GPATCH8: variants seen among roughly 807,000 people sequenced by gnomAD.
The protein encoded by GPATCH8 is G patch domain-containing protein 8.
In GPATCH8, 18 loss-of-function variants were observed where a neutral mutation model predicts 118.3. That is an observed-to-expected ratio of 0.15 (90% CI 0.11 to 0.23). The LOEUF (loss-of-function observed/expected upper bound fraction) is 0.23, where lower values mean the gene tolerates loss of function less well. Ranked by LOEUF, GPATCH8 falls within the 10% of genes least tolerant of loss-of-function variation. GPATCH8 has a pLI of 1.00. For synonymous variants in GPATCH8, 659 were observed against 684.7 expected, an observed-to-expected ratio of 0.96 and a Z score of 0.59; for missense variants, 1,631 against 1,873.8, an observed-to-expected ratio of 0.87 and a Z score of 2.39.
intron 6 of GPATCH8, among the ~76,000 whole-genome samples, chr17:44,406,496 T>TA: frequency 4.7e-5 from 1 of 21,070 alleles, no homozygotes; most frequent in South Asian, 2.7e-3. Context: ...ACAGCTTACA[T>TA]GGGGGGGGGG....
At chr17:44,461,657 G>A (rs2051553493) in intron 3 of GPATCH8, among the ~76,000 whole-genome samples, 1 of 151,948 alleles carries the variant, frequency 6.6e-6, no homozygotes, top group South Asian at 2.1e-4. Context: ...TTTTCAAGAA[G>A]CTCAAAGTTT....
chr17:44,426,865 C>T (rs2050109361), intron 5 of GPATCH8, among the ~76,000 whole-genome samples: 1 of 151,758 alleles, frequency 6.6e-6, no homozygotes, highest in Admixed American at 6.6e-5. Flanking sequence ...CTCTCTCTCT[C>T]TCTCTCTCTC....
In GPATCH8 at chr17:44,453,496, TAGGG is replaced by T. The variant is rs144352193; in HGVS notation, c.193+10972_193+10975del. The stretch of plus-strand genomic sequence containing the variant: ...TTCTAGTTGTAGGTAGGTAGGTAGG[TAGGG>T]GTGTGTGTGTGTGTGTGTGTGTGTG... On this transcript the variant is annotated intron_variant, in intron 3 of 7. Transcript: ENST00000591680. Among the ~76,000 whole-genome samples the T allele has an allele frequency of 7.9e-4, 114 of 144,056 alleles. 6 individuals carry two copies. The highest frequency in any genetic ancestry group is 2.5e-3 in the East Asian group (12 of 4,892). The allele number at this position is 144,056 out of a possible 152,430, so 94.5% of individuals were successfully genotyped here.
intron 3 of GPATCH8, among the ~76,000 whole-genome samples, chr17:44,453,500 G>GT (rs1568011427): frequency 1.4e-5 from 2 of 142,702 alleles, no homozygotes; most frequent in African/African-American, 2.7e-5. Context: ...GGTAGGTAGG[G>GT]GTGTGTGTGT....
chr17:44,423,265 G>A lies in GPATCH8; in HGVS notation c.492+1084C>T, dbSNP rs942880293. Among the ~76,000 whole-genome samples, 3 of 152,092 alleles carry A rather than the reference G, an allele frequency of 2.0e-5. No individual in the cohort carries two copies. In the South Asian group the frequency reaches 6.2e-4, roughly 31 times the overall value. ...AAAAAAACAGAAAAGAATGTCCAAAGGTATGTAGTAAGTTGAAAAGCTGTC... is the reference window on the plus strand; with the variant it reads ...AAAAAAACAGAAAAGAATGTCCAAAAGTATGTAGTAAGTTGAAAAGCTGTC... On this transcript the variant is annotated intron_variant, in intron 6 of 7. Transcript: ENST00000591680.
At position 44,464,528 on chromosome 17, in the gene GPATCH8, C is replaced by T. The variant is rs2051684294; in HGVS notation, c.137G>A (p.Arg46His). 2.5e-6 allele frequency: 4 copies of T among 1,597,786 alleles called. No homozygotes were observed. The highest frequency in any genetic ancestry group is 2.2e-5 in the East Asian group (1 of 44,782). The change falls in exon 3 of 8, where the codon CGC (arginine) becomes CAC (histidine). Residue 46 changes from arginine (R) to histidine (H), a missense_variant. Transcript: ENST00000591680. ...CTTCCACCCATGTTTCTGGAGTAAGCGGTGTCCAATATTATCCTGACAGAC... is the reference window on the plus strand; with the variant it reads ...CTTCCACCCATGTTTCTGGAGTAAGTGGTGTCCAATATTATCCTGACAGAC... ...KPIESDNIGH[R>H]LLQKHGWKLG...
At chr17:44,458,492 T>C (rs959176028) in intron 3 of GPATCH8, among the ~76,000 whole-genome samples, 4 of 152,170 alleles carry the variant, frequency 2.6e-5, no homozygotes, top group African/African-American at 9.7e-5. Flanking sequence ...AGTCTGTTTG[T>C]TGACTTTGTT....
chr17:44,397,957 T>C lies in GPATCH8; in HGVS notation c.4120A>G (p.Thr1374Ala). The change falls in exon 8 of 8, where the codon ACT (threonine) becomes GCT (alanine). Residue 1374 changes from threonine (T) to alanine (A), a missense_variant. Coordinates refer to ENST00000591680, the MANE Select transcript of GPATCH8 (RefSeq NM_001002909.4). ...PATASATSIT[T>A]VQHAILQHHA... ...TGTTGTAGGATGGCATGCTGAACAGTTGTGATGGAGGTGGCAGAGGCTGTA... is the reference window on the plus strand; with the variant it reads ...TGTTGTAGGATGGCATGCTGAACAGCTGTGATGGAGGTGGCAGAGGCTGTA... The C allele has an allele frequency of 1.2e-6, 2 of 1,613,930 alleles. No homozygotes were observed. The highest frequency in any genetic ancestry group is 8.5e-7 in the Non-Finnish European group (1 of 1,179,918).
At chr17:44,488,842 T>C (rs1969002624) in intron 1 of GPATCH8, among the ~76,000 whole-genome samples, 1 of 151,556 alleles carries the variant, frequency 6.6e-6, no homozygotes, top group Admixed American at 6.6e-5. Context: ...ATCCCAGCAC[T>C]TCATGAGGCC....
At chr17:44,502,447 C>T (rs1970148183) in intron 1 of GPATCH8, among the ~76,000 whole-genome samples, 1 of 151,676 alleles carries the variant, frequency 6.6e-6, no homozygotes, top group South Asian at 2.1e-4. Flanking sequence ...TCGAGATTTC[C>T]GCGGTAACAA....
chr17:44,412,864 A>C (rs1344362532), intron 6 of GPATCH8, among the ~76,000 whole-genome samples: 2 of 152,092 alleles, frequency 1.3e-5, no homozygotes, highest in African/African-American at 4.8e-5. Context: ...CCTCTACAAC[A>C]AAACATTAAT....
intron 3 of GPATCH8, among the ~76,000 whole-genome samples, chr17:44,462,083 A>G (rs1254399432): frequency 6.6e-6 from 1 of 152,036 alleles, no homozygotes; most frequent in South Asian, 2.1e-4. Flanking sequence ...CCTTTCTTAA[A>G]CACATTATCT....
At chr17:44,493,353 G>A (rs1047804919) in intron 1 of GPATCH8, among the ~76,000 whole-genome samples, 1 of 152,012 alleles carries the variant, frequency 6.6e-6, no homozygotes, top group Non-Finnish European at 1.5e-5. Flanking sequence ...GAGCCCCCAC[G>A]CCTGACAACT....
Position 44,474,616 on chromosome 17 carries a change from A to C in GPATCH8, c.120+213T>G, listed in dbSNP as rs1397115903. 1.1e-5 allele frequency: 7 copies of C among 650,418 alleles called. No individual in the cohort carries two copies. In the Admixed American group the frequency reaches 1.2e-4, roughly 11 times the overall value. 40.3% of individuals were successfully genotyped at this position (650,418 alleles called of 1,614,324 possible). On this transcript the variant is annotated intron_variant, in intron 2 of 7. Transcript: ENST00000591680. Reference sequence around the variant, plus strand: ...AAAGATATTTTTCCATTGAAATTCTAATGTGTTTCTAGATTTTTTTGGACT... The same window carrying C: ...AAAGATATTTTTCCATTGAAATTCTCATGTGTTTCTAGATTTTTTTGGACT...
In GPATCH8 at chr17:44,399,659, C is replaced by T. The variant is rs1320145204; in HGVS notation, c.2418G>A (p.Arg806=). ...TACTGGGTTGGCTCCGATGGCTAGACCGGCTGCTCCGTTTGGTGCCTGCTC... is the reference window on the plus strand; with the variant it reads ...TACTGGGTTGGCTCCGATGGCTAGATCGGCTGCTCCGTTTGGTGCCTGCTC... ...QRRAGTKRSS[R]SSHRSQPSSG... Residue 806 remains arginine (R), a synonymous_variant, in exon 8 of 8, where the codon CGG becomes CGA. Coordinates refer to ENST00000591680, the MANE Select transcript of GPATCH8 (RefSeq NM_001002909.4). 1.9e-6 allele frequency: 3 copies of T among 1,614,078 alleles called. No homozygotes were observed. The highest frequency in any genetic ancestry group is 1.1e-5 in the South Asian group (1 of 91,090).
chr17:44,425,161 T>C (rs1340331910), intron 5 of GPATCH8, among the ~76,000 whole-genome samples: 2 of 152,080 alleles, frequency 1.3e-5, no homozygotes, highest in Non-Finnish European at 1.5e-5. Context: ...TCAAAGCAAG[T>C]TGAGTATATT....
Position 44,397,887 on chromosome 17 carries a change from G to T in GPATCH8, c.4190C>A (p.Pro1397His). 2 of 1,610,696 alleles carry T rather than the reference G, an allele frequency of 1.2e-6. No homozygotes were observed. Among genetic ancestry groups the T allele is most frequent in the Non-Finnish European group, 1.7e-6 (2 of 1,177,134 alleles). Residue 1397 changes from proline (P) to histidine (H), a missense_variant, in exon 8 of 8, where the codon CCC becomes CAC. Around this residue, in one of 8 missense-constraint regions of GPATCH8, gnomAD observed 111 missense variants for 112.4 expected, o/e 0.99. Transcript: ENST00000591680. ...CACCTGGGCAAGTGGTTGGGGATGG[G>T]GGTGAGGGTGAATGCCGATGGCGGC... ...AAAAIGIHPH[P>H]HPQPLAQVHH...
At chr17:44,442,992 G>C (rs907507124) in intron 3 of GPATCH8, among the ~76,000 whole-genome samples, 1 of 152,134 alleles carries the variant, frequency 6.6e-6, no homozygotes, top group Admixed American at 6.6e-5. Flanking sequence ...TATTGAGGCA[G>C]AAGGACCACT....
chr17:44,423,769 G>C (rs1053588147), intron 6 of GPATCH8, among the ~76,000 whole-genome samples: 52 of 152,248 alleles, frequency 3.4e-4, no homozygotes, highest in African/African-American at 1.2e-3. Flanking sequence ...GGTGGCGGCG[G>C]GGGAGGGGGC....
Sources: gnomAD v4.1 joint callset for allele counts (sites outside exome capture counted in the v4.1 genomes callset) on GRCh38, gnomAD v4.1.1 for gene constraint, gnomAD v4.1.1 regional missense constraint, MANE v1.5 for transcripts, NCBI Gene and HGNC (gene_info 2026-07-23, HGNC 2026-07-21) for gene names.